GPC6: variants seen among roughly 807,000 people sequenced by gnomAD.
GPC6 encodes the protein glypican 6.
GPC6 carries 14 observed loss-of-function variants against 55.2 expected under a neutral mutation model. The observed-to-expected ratio is 0.25, with a 90% confidence interval of 0.17 to 0.40. The LOEUF is 0.40. Ranked by LOEUF, GPC6 falls within the 10% of genes least tolerant of loss-of-function variation. The probability of loss-of-function intolerance (pLI) is 1.00; values close to 1 mark genes in which losing one functional copy is unlikely to be tolerated. For synonymous variants in GPC6, 278 were observed against 259.6 expected, an observed-to-expected ratio of 1.07 and a Z score of -0.68; for missense variants, 641 against 708.5, an observed-to-expected ratio of 0.90 and a Z score of 1.08.
chr13:94,200,496 A>T (rs1889716215), intron 4 of GPC6, among the ~76,000 whole-genome samples: 1 of 152,060 alleles, frequency 6.6e-6, no homozygotes, highest in South Asian at 2.1e-4. Flanking sequence ...TATAGAGGAG[A>T]CTGTGTTGGA....
At chr13:94,386,938 T>C (rs1350917029) in intron 7 of GPC6, among the ~76,000 whole-genome samples, 5 of 152,254 alleles carry the variant, frequency 3.3e-5, no homozygotes, top group African/African-American at 7.2e-5. Context: ...TTCAGAAACA[T>C]ACCTATTTCA....
At chr13:94,308,838 A>G (rs1217082476) in intron 6 of GPC6, among the ~76,000 whole-genome samples, 1 of 152,220 alleles carries the variant, frequency 6.6e-6, no homozygotes, top group South Asian at 2.1e-4. Context: ...TTAGGTCCAA[A>G]GCTAATAACA....
intron 4 of GPC6, among the ~76,000 whole-genome samples, chr13:94,192,496 A>G (rs9516361): frequency 0.076 from 11,520 of 152,222 alleles, 549 homozygotes; most frequent in Middle Eastern, 0.13. Context: ...CACGTAGTCA[A>G]TCACTTCCCA....
intron 6 of GPC6, among the ~76,000 whole-genome samples, chr13:94,334,104 G>C (rs748136938): frequency 6.6e-6 from 1 of 152,152 alleles, no homozygotes; most frequent in Non-Finnish European, 1.5e-5. Flanking sequence ...ATCTTCTGTA[G>C]TTCCCTCTAT....
intron 4 of GPC6, among the ~76,000 whole-genome samples, chr13:94,139,419 G>A (rs922931123): frequency 6.6e-6 from 1 of 152,162 alleles, no homozygotes; most frequent in African/African-American, 2.4e-5. Context: ...CTTAGGAATT[G>A]GAGACCTGTC....
At chr13:94,107,835 G>A (rs1404702859) in intron 4 of GPC6, among the ~76,000 whole-genome samples, 1 of 151,814 alleles carries the variant, frequency 6.6e-6, no homozygotes, top group African/African-American at 2.4e-5. Context: ...AAACCACAAT[G>A]TGATACCACC....
At chr13:93,843,108 T>A (rs1888015365) in intron 3 of GPC6, among the ~76,000 whole-genome samples, 1 of 151,018 alleles carries the variant, frequency 6.6e-6, no homozygotes. Flanking sequence ...TACTCCTATA[T>A]CTTAAAAATT....
intron 1 of GPC6, among the ~76,000 whole-genome samples, chr13:93,254,594 G>T (rs1326843019): frequency 6.6e-6 from 1 of 151,934 alleles, no homozygotes; most frequent in Non-Finnish European, 1.5e-5. Context: ...GATCTGACTT[G>T]CTTTATTTTT....
chr13:93,861,440 T>G (rs1453731752), intron 3 of GPC6, among the ~76,000 whole-genome samples: 1 of 151,456 alleles, frequency 6.6e-6, no homozygotes, highest in Admixed American at 6.6e-5. Flanking sequence ...TCATATCTAA[T>G]TGTTAACTAC....
intron 8 of GPC6, 142 bp from the exon 9 acceptor site, chr13:94,402,873 C>G: frequency 1.3e-6 from 1 of 771,258 alleles, no homozygotes; most frequent in Non-Finnish European, 2.3e-6. Context: ...GAAACCACCA[C>G]CATGATTGAA....
At chr13:93,852,022 G>A (rs1170135243) in intron 3 of GPC6, among the ~76,000 whole-genome samples, 3 of 151,528 alleles carry the variant, frequency 2.0e-5, no homozygotes, top group African/African-American at 7.3e-5. Context: ...TTTACATAGA[G>A]GTGAAAAAAG....
At chr13:93,908,779 T>C (rs1366298452) in intron 3 of GPC6, among the ~76,000 whole-genome samples, 1 of 152,194 alleles carries the variant, frequency 6.6e-6, no homozygotes, top group Non-Finnish European at 1.5e-5. Flanking sequence ...TCTTGAACAA[T>C]TCAACCTTTT....
intron 7 of GPC6, among the ~76,000 whole-genome samples, chr13:94,395,898 C>CCT (rs1429821431): frequency 2.0e-5 from 3 of 152,164 alleles, no homozygotes. Context: ...CCTCCAGGAC[C>CCT]CTCTACAAGC....
At chr13:94,402,847 C>T (rs186526619) in intron 8 of GPC6, among the ~76,000 whole-genome samples, 168 bp from the exon 9 acceptor site, 8 of 152,238 alleles carry the variant, frequency 5.3e-5, no homozygotes, top group African/African-American at 1.4e-4. Context: ...CTCACTATCA[C>T]GAGAACAGGA....
At chr13:93,817,616 T>C (rs982471028) in intron 2 of GPC6, among the ~76,000 whole-genome samples, 4 of 152,152 alleles carry the variant, frequency 2.6e-5, no homozygotes, top group Admixed American at 1.3e-4. Context: ...CCTAGCACTC[T>C]GAGAGACCGA....
chr13:93,364,723 A>G (rs2139182996), intron 1 of GPC6, among the ~76,000 whole-genome samples: 1 of 151,224 alleles, frequency 6.6e-6, no homozygotes, highest in African/African-American at 2.4e-5. Flanking sequence ...ATACACACAC[A>G]TATATGTATA....
intron 2 of GPC6, among the ~76,000 whole-genome samples, chr13:93,644,142 C>G (rs546575059): frequency 5.9e-5 from 9 of 152,128 alleles, no homozygotes; most frequent in African/African-American, 1.9e-4. Flanking sequence ...AACCTGTTAG[C>G]CTTTTGAAAT....
chr13:93,683,220 A>G (rs1436299757), intron 2 of GPC6, among the ~76,000 whole-genome samples: 2 of 152,134 alleles, frequency 1.3e-5, no homozygotes, highest in Non-Finnish European at 2.9e-5. Flanking sequence ...TTACCACCCC[A>G]TACAAAGATC....
At chr13:94,312,598 G>C (rs969162469) in intron 6 of GPC6, among the ~76,000 whole-genome samples, 1 of 152,116 alleles carries the variant, frequency 6.6e-6, no homozygotes, top group Non-Finnish European at 1.5e-5. Flanking sequence ...AAGGATGTCA[G>C]GCTGTGCTTA....
Sources: allele counts gnomAD v4.1 joint callset (sites outside exome capture counted in the v4.1 genomes callset), GRCh38; gene constraint gnomAD v4.1.1; transcripts MANE v1.5; gene names NCBI Gene and HGNC (gene_info 2026-07-23, HGNC 2026-07-21).